The following EEIG2 variants were observed in gnomAD, a reference collection of about 807,000 sequenced individuals.
The protein encoded by EEIG2 is EEIG family member 2.
the EEIG2 span, among the ~76,000 whole-genome samples, chr1:108,617,787 G>A: frequency 4.6e-5 from 7 of 152,302 alleles, no homozygotes; most frequent in South Asian, 1.5e-3. Context: ...GTCCTGTCCT[G>A]AAAACCAAAT....
the EEIG2 span, chr1:108,625,025 G>T: frequency 3.6e-6 from 1 of 278,470 alleles, no homozygotes; most frequent in Non-Finnish European, 6.7e-6. Flanking sequence ...CATTTTTCCC[G>T]TTCCATTACC....
the EEIG2 span, among the ~76,000 whole-genome samples, chr1:108,607,869 G>A: frequency 1.3e-5 from 2 of 152,046 alleles, no homozygotes; most frequent in African/African-American, 4.8e-5. Context: ...AGCCTGCACT[G>A]GCCTTCTAGA....
chr1:108,594,173 A>T, the EEIG2 span, among the ~76,000 whole-genome samples: 2 of 152,184 alleles, frequency 1.3e-5, no homozygotes, highest in African/African-American at 4.8e-5. Flanking sequence ...AGTAAAAAAA[A>T]TGAGAAAGCC....
chr1:108,606,059 G>T, the EEIG2 span, among the ~76,000 whole-genome samples: 1 of 152,278 alleles, frequency 6.6e-6, no homozygotes, highest in East Asian at 1.9e-4. Context: ...CTGGTCATTT[G>T]GGGGGCTTGT....
chr1:108,592,437 G>A, the EEIG2 span, among the ~76,000 whole-genome samples: 3 of 152,272 alleles, frequency 2.0e-5, no homozygotes, highest in East Asian at 1.9e-4. Flanking sequence ...ACTGCACTTC[G>A]CATGGCTCTA....
the EEIG2 span, among the ~76,000 whole-genome samples, chr1:108,603,070 C>G: frequency 3.6e-4 from 55 of 152,198 alleles, no homozygotes; most frequent in South Asian, 1.7e-3. Flanking sequence ...CCTCTGAGAA[C>G]TATTAGAAAA....
the EEIG2 span, chr1:108,626,397 G>C: frequency 6.6e-6 from 1 of 152,170 alleles, no homozygotes; most frequent in African/African-American, 2.4e-5. Flanking sequence ...GGACACAGTA[G>C]ATGAGTGACT....
the EEIG2 span, among the ~76,000 whole-genome samples, chr1:108,574,079 T>C: frequency 1.3e-5 from 2 of 152,190 alleles, no homozygotes; most frequent in Admixed American, 1.3e-4. Flanking sequence ...ATAGCAGCAT[T>C]ATTCTAAATA....
chr1:108,629,739 G>A, the EEIG2 span: 1 of 1,013,498 alleles, frequency 9.9e-7, no homozygotes, highest in Non-Finnish European at 1.5e-6. Flanking sequence ...TGGTTGCAAA[G>A]TTTGTACTAG....
the EEIG2 span, among the ~76,000 whole-genome samples, chr1:108,617,793 C>G: frequency 2.6e-5 from 4 of 152,258 alleles, no homozygotes; most frequent in East Asian, 3.9e-4. Flanking sequence ...TCCTGAAAAC[C>G]AAATGAAGAA....
chr1:108,612,036 A>C, the EEIG2 span: 1 of 504,542 alleles, frequency 2.0e-6, no homozygotes, highest in Non-Finnish European at 3.6e-6. Flanking sequence ...CAAATAATAG[A>C]ACAGGTATTA....
At chr1:108,610,897 G>A in the EEIG2 span, among the ~76,000 whole-genome samples, 5 of 152,084 alleles carry the variant, frequency 3.3e-5, no homozygotes, top group African/African-American at 1.2e-4. Context: ...CTTGCAGTGA[G>A]CCAAGATCGT....
At chr1:108,572,706 C>T in the EEIG2 span, among the ~76,000 whole-genome samples, 1 of 152,128 alleles carries the variant, frequency 6.6e-6, no homozygotes, top group Admixed American at 6.6e-5. Context: ...ACCTCCACCT[C>T]CCAGGTTCAA....
the EEIG2 span, among the ~76,000 whole-genome samples, chr1:108,604,258 G>T: frequency 4.6e-5 from 7 of 152,154 alleles, no homozygotes; most frequent in East Asian, 3.8e-4. Context: ...AATTATAATT[G>T]TAAGTATTGG....
chr1:108,624,769 G>C, the EEIG2 span: 100 of 1,599,052 alleles, frequency 6.3e-5, no homozygotes, highest in Non-Finnish European at 8.5e-5. Flanking sequence ...GTGGCTTACT[G>C]GTTTTTTAAT....
chr1:108,619,249 CTT>C, the EEIG2 span, among the ~76,000 whole-genome samples: 3 of 152,080 alleles, frequency 2.0e-5, no homozygotes, highest in Non-Finnish European at 2.9e-5. Flanking sequence ...CAGAGAAAGA[CTT>C]TTGTAATTCA....
chr1:108,594,559 G>A, the EEIG2 span, among the ~76,000 whole-genome samples: 2 of 152,122 alleles, frequency 1.3e-5, no homozygotes, highest in African/African-American at 4.8e-5. Context: ...GGAGTTAGTA[G>A]TACCCTCCCC....
At chr1:108,587,381 C>T in the EEIG2 span, among the ~76,000 whole-genome samples, 2 of 152,094 alleles carry the variant, frequency 1.3e-5, no homozygotes, top group South Asian at 2.1e-4. Context: ...ACCAGAGTGG[C>T]GCATTTGTTA....
At chr1:108,591,230 G>A in the EEIG2 span, among the ~76,000 whole-genome samples, 1 of 152,146 alleles carries the variant, frequency 6.6e-6, no homozygotes, top group Non-Finnish European at 1.5e-5. Context: ...ACAAATGGTC[G>A]CAAACTAACT....
Sources: allele counts gnomAD v4.1 joint callset (sites outside exome capture counted in the v4.1 genomes callset), GRCh38; gene constraint gnomAD v4.1.1; transcripts MANE v1.5; gene names NCBI Gene and HGNC (gene_info 2026-07-23, HGNC 2026-07-21).